DNAAF4: variants seen among roughly 807,000 people sequenced by gnomAD.
DNAAF4 encodes dynein assembly factor 4, axonemal.
In DNAAF4, 43 loss-of-function variants were observed where a neutral mutation model predicts 51.8. The ratio of observed to expected loss-of-function variants is 0.83; its 90% CI spans 0.65 to 1.07. DNAAF4 has a LOEUF of 1.07. DNAAF4 is among the 50% of genes least tolerant of loss of function. DNAAF4 has a pLI of 0.00. For missense variants in DNAAF4, 581 were observed against 493.0 expected, an observed-to-expected ratio of 1.18 and a Z score of -1.69; for synonymous variants, 194 against 165.6, an observed-to-expected ratio of 1.17 and a Z score of -1.32.
chr15:55,498,138 C>A, intron 2 of DNAAF4, 69 bp downstream of exon 2: 1 of 1,606,614 alleles, frequency 6.2e-7, no homozygotes, highest in Non-Finnish European at 8.5e-7. Context: ...TTGCTCGTGC[C>A]CAGCTGCGCT....
intron 5 of DNAAF4, among the ~76,000 whole-genome samples, chr15:55,453,620 G>A (rs889091916): frequency 7.0e-6 from 1 of 143,376 alleles, no homozygotes; most frequent in African/African-American, 2.7e-5. Context: ...GCGCGATCTC[G>A]GCTCACTGCA....
In DNAAF4 at chr15:55,490,975, A is replaced by G. The variant is rs7180984; in HGVS notation, c.405+148T>C. The G allele has an allele frequency of 0.01, 8,968 of 876,310 alleles. 588 individuals carry two copies. The African/African-American group carries it at 0.14, about 13-fold the overall frequency. The allele number at this position is 876,310 out of a possible 1,614,324, so 54.3% of individuals were successfully genotyped here. On this transcript the variant is annotated intron_variant, in intron 4 of 9. Coordinates refer to ENST00000321149, the MANE Select transcript of DNAAF4 (RefSeq NM_130810.4). ...TCTCAAGAAAAAAAAAAACACACATATAAATAGCAGACAGTCTATATAACA... is the reference window on the plus strand; with the variant it reads ...TCTCAAGAAAAAAAAAAACACACATGTAAATAGCAGACAGTCTATATAACA...
intron 4 of DNAAF4, among the ~76,000 whole-genome samples, chr15:55,474,131 A>G (rs1426480313): frequency 1.3e-5 from 2 of 152,262 alleles, no homozygotes; most frequent in Admixed American, 6.5e-5. Context: ...AAATACAAAT[A>G]TAGATTACAA....
At chr15:55,504,927 T>C (rs1368615419) in intron 1 of DNAAF4, among the ~76,000 whole-genome samples, 1 of 152,134 alleles carries the variant, frequency 6.6e-6, no homozygotes, top group Non-Finnish European at 1.5e-5. Context: ...AAATGGGATC[T>C]AATTAAACTA....
At chr15:55,443,481 T>C in intron 6 of DNAAF4, 1 of 537,758 alleles carries the variant, frequency 1.9e-6, no homozygotes, top group African/African-American at 1.9e-5. Context: ...AAGTCTTTGC[T>C]ATTGTGAATA....
chr15:55,443,352 C>G, intron 6 of DNAAF4: 2 of 809,866 alleles, frequency 2.5e-6, no homozygotes, highest in Non-Finnish European at 3.9e-6. Flanking sequence ...CGCAGCTCCT[C>G]AGCATGGCTC....
intron 5 of DNAAF4, among the ~76,000 whole-genome samples, chr15:55,453,069 C>T (rs1174584579): frequency 6.6e-6 from 1 of 152,156 alleles, no homozygotes; most frequent in African/African-American, 2.4e-5. Flanking sequence ...TCGTGAGCCA[C>T]CCACCTTGGC....
intron 3 of DNAAF4, among the ~76,000 whole-genome samples, chr15:55,494,756 G>C (rs988083471): frequency 2.0e-5 from 3 of 152,158 alleles, no homozygotes; most frequent in African/African-American, 7.2e-5. Flanking sequence ...ATCAGAGGTT[G>C]GCAAACTATG....
chr15:55,462,641 A>G (rs2058109820), intron 5 of DNAAF4, among the ~76,000 whole-genome samples: 1 of 152,134 alleles, frequency 6.6e-6, no homozygotes, highest in South Asian at 2.1e-4. Context: ...CAAAAAAAAA[A>G]AAAAGAAAAC....
chr15:55,430,643 A>C lies in DNAAF4; in HGVS notation c.*27T>G, dbSNP rs1206821234. 13 of 1,603,566 alleles carry C rather than the reference A, an allele frequency of 8.1e-6. No individual in the cohort carries two copies. The highest frequency in any genetic ancestry group is 1.0e-5 in the Non-Finnish European group (12 of 1,175,748). ...TCCAGTTGTTTTTAAAAAACTTATA[A>C]CAATACTTAGTTACTTCTAATAGTC... On this transcript the variant is annotated 3_prime_UTR_variant, in exon 10 of 10. Coordinates refer to ENST00000321149, the MANE Select transcript of DNAAF4 (RefSeq NM_130810.4).
intron 1 of DNAAF4, among the ~76,000 whole-genome samples, chr15:55,499,854 C>A (rs890637219): frequency 1.3e-5 from 2 of 152,162 alleles, no homozygotes; most frequent in Non-Finnish European, 2.9e-5. Context: ...TATACACAAA[C>A]CATTTTCGTA....
chr15:55,446,131 C>T (rs1193003852), intron 6 of DNAAF4, among the ~76,000 whole-genome samples: 1 of 145,882 alleles, frequency 6.9e-6, no homozygotes, highest in Non-Finnish European at 1.5e-5. Flanking sequence ...CAGAGGCGCT[C>T]CTCACTTCCC....
intron 3 of DNAAF4, 30 bp from the exon 4 acceptor site, chr15:55,491,286 A>T (rs1231092513): frequency 3.2e-6 from 5 of 1,583,248 alleles, no homozygotes; most frequent in Non-Finnish European, 4.3e-6. Context: ...GCTAAATTAG[A>T]ATTATGACAA....
At chr15:55,478,825 G>C (rs1177463559) in intron 4 of DNAAF4, among the ~76,000 whole-genome samples, 5 of 151,946 alleles carry the variant, frequency 3.3e-5, no homozygotes, top group Non-Finnish European at 1.5e-5. Flanking sequence ...GCCCAATATC[G>C]ATGCACACAG....
At chr15:55,502,554 T>C (rs1340631386) in intron 1 of DNAAF4, among the ~76,000 whole-genome samples, 1 of 152,148 alleles carries the variant, frequency 6.6e-6, no homozygotes, top group African/African-American at 2.4e-5. Context: ...TTTTTTGTAT[T>C]GTTAATCTCT....
intron 4 of DNAAF4, among the ~76,000 whole-genome samples, chr15:55,469,314 G>C (rs1181282830): frequency 1.3e-5 from 2 of 150,390 alleles, no homozygotes; most frequent in South Asian, 4.2e-4. Context: ...TGGGGGACAA[G>C]AGCGAGGCTC....
At chr15:55,440,885 A>C (rs535978786) in intron 6 of DNAAF4, among the ~76,000 whole-genome samples, 9 of 149,824 alleles carry the variant, frequency 6.0e-5, no homozygotes, top group Non-Finnish European at 1.0e-4. Context: ...GTTTCACCAT[A>C]TGGGCCAGGC....
At chr15:55,496,598 A>G (rs1236829860) in intron 3 of DNAAF4, among the ~76,000 whole-genome samples, 4 of 152,218 alleles carry the variant, frequency 2.6e-5, no homozygotes, top group African/African-American at 9.7e-5. Flanking sequence ...TAAGTACTCA[A>G]TAAAGGCTAT....
intron 8 of DNAAF4, among the ~76,000 whole-genome samples, chr15:55,433,813 A>ATATATATATATATTACATATAT (rs1567000169): frequency 1.2e-5 from 1 of 85,422 alleles, no homozygotes; most frequent in African/African-American, 4.4e-5. Context: ...TATATATATA[A>ATATATATATATATTACATATAT]TATATATTAT....
Sources: allele counts gnomAD v4.1 joint callset (sites outside exome capture counted in the v4.1 genomes callset), GRCh38; gene constraint gnomAD v4.1.1; transcripts MANE v1.5; gene names NCBI Gene and HGNC (gene_info 2026-07-23, HGNC 2026-07-21).